The following IKZF2 variants were observed in gnomAD, a reference collection of about 807,000 sequenced individuals.
IKZF2 encodes IKAROS family zinc finger 2, also known as zinc finger protein Helios.
Under a neutral mutation model 49.2 loss-of-function variants are expected in IKZF2, and 15 were observed. That is an observed-to-expected ratio of 0.30 (90% CI 0.20 to 0.47). IKZF2 has a LOEUF of 0.47. Among genes scored for constraint, IKZF2 ranks in the 20% least tolerant of loss-of-function variants. The pLI is 1.00. For missense variants in IKZF2, 567 were observed against 664.6 expected (o/e 0.85, Z 1.61); for synonymous variants, 227 against 221.4 (o/e 1.03, Z -0.23).
chr2:213,101,887 C>T (rs1420674301), intron 4 of IKZF2, among the ~76,000 whole-genome samples: 2 of 152,152 alleles, frequency 1.3e-5, no homozygotes, highest in Non-Finnish European at 2.9e-5. Context: ...TTTATTCTCA[C>T]TTTAGCTCTG....
intron 4 of IKZF2, among the ~76,000 whole-genome samples, chr2:213,074,875 T>C (rs115571058): frequency 0.014 from 2,154 of 152,324 alleles, 61 homozygotes; most frequent in African/African-American, 0.049. Flanking sequence ...TGTATTTAAA[T>C]GGTTATTAAA....
At chr2:213,059,890 C>T (rs1417388253) in intron 4 of IKZF2, among the ~76,000 whole-genome samples, 4 of 150,780 alleles carry the variant, frequency 2.7e-5, no homozygotes, top group Non-Finnish European at 3.0e-5. Flanking sequence ...TTGCTAAAAC[C>T]GAAATAGACA....
chr2:213,053,266 C>T (rs761478504), intron 5 of IKZF2, among the ~76,000 whole-genome samples: 3 of 152,004 alleles, frequency 2.0e-5, no homozygotes, highest in Non-Finnish European at 4.4e-5. Flanking sequence ...TCCTTCATGT[C>T]CATATCTCAA....
At chr2:213,113,556 C>T (rs1165605454) in intron 4 of IKZF2, among the ~76,000 whole-genome samples, 1 of 152,156 alleles carries the variant, frequency 6.6e-6, no homozygotes, top group Non-Finnish European at 1.5e-5. Context: ...ATACTACCTA[C>T]TTTCAGGTAC....
chr2:213,036,133 G>T (rs1013811281), intron 6 of IKZF2, among the ~76,000 whole-genome samples: 1 of 152,190 alleles, frequency 6.6e-6, no homozygotes, highest in African/African-American at 2.4e-5. Context: ...GTTTATAAGA[G>T]CATGATACAA....
chr2:213,034,741 A>G (rs1698840063), intron 6 of IKZF2, among the ~76,000 whole-genome samples: 1 of 152,198 alleles, frequency 6.6e-6, no homozygotes. Flanking sequence ...ATATTGCAAG[A>G]ATTATTTAAA....
intron 4 of IKZF2, among the ~76,000 whole-genome samples, chr2:213,072,292 C>CTTTTTTTTTTTTTTTTTTT (rs771849497): frequency 8.1e-6 from 1 of 122,710 alleles, no homozygotes; most frequent in Non-Finnish European, 1.7e-5. Flanking sequence ...GATTCCTTTC[C>CTTTTTTTTTTTTTTTTTTT]TTTGTTTTTT....
chr2:213,112,852 G>A (rs537240057), intron 4 of IKZF2, among the ~76,000 whole-genome samples: 43 of 151,996 alleles, frequency 2.8e-4, no homozygotes, highest in Non-Finnish European at 4.6e-4. Context: ...CTATAACAGC[G>A]GGGCAATACT....
At chr2:213,145,452 G>A (rs558238227) in intron 4 of IKZF2, among the ~76,000 whole-genome samples, 83 of 152,110 alleles carry the variant, frequency 5.5e-4, no homozygotes, top group African/African-American at 1.6e-3. Flanking sequence ...AAGGGATTTA[G>A]GAAAACCGGT....
intron 4 of IKZF2, among the ~76,000 whole-genome samples, chr2:213,064,518 A>G (rs1701995255): frequency 6.6e-6 from 1 of 151,978 alleles, no homozygotes; most frequent in Non-Finnish European, 1.5e-5. Context: ...ATCAAAATAC[A>G]CACCTTTATT....
intron 4 of IKZF2, among the ~76,000 whole-genome samples, chr2:213,068,100 CTA>C (rs1702322597): frequency 6.6e-6 from 1 of 151,976 alleles, no homozygotes; most frequent in South Asian, 2.1e-4. Context: ...AAAGTGATGA[CTA>C]TGCACCATAG....
intron 6 of IKZF2, among the ~76,000 whole-genome samples, chr2:213,033,625 T>G (rs1698707225): frequency 6.6e-6 from 1 of 151,586 alleles, no homozygotes; most frequent in Admixed American, 6.6e-5. Flanking sequence ...CTGTAATATT[T>G]TGAAAGGAAT....
At chr2:213,069,440 C>T (rs1466679356) in intron 4 of IKZF2, among the ~76,000 whole-genome samples, 4 of 152,120 alleles carry the variant, frequency 2.6e-5, no homozygotes, top group Admixed American at 1.3e-4. Flanking sequence ...CCCGAATCTA[C>T]GTTTTTGTCA....
intron 5 of IKZF2, among the ~76,000 whole-genome samples, chr2:213,051,923 TC>T (rs1405305234): frequency 5.9e-5 from 9 of 151,996 alleles, no homozygotes; most frequent in Non-Finnish European, 1.0e-4. Context: ...TAGATAATAC[TC>T]CTATAGCATG....
intron 4 of IKZF2, among the ~76,000 whole-genome samples, chr2:213,135,805 G>A (rs548958265): frequency 4.6e-5 from 7 of 151,788 alleles, no homozygotes; most frequent in African/African-American, 1.4e-4. Flanking sequence ...GAAAAGAAAA[G>A]AATACAATGC....
At chr2:213,086,761 T>C (rs1282402352) in intron 4 of IKZF2, among the ~76,000 whole-genome samples, 1 of 152,108 alleles carries the variant, frequency 6.6e-6, no homozygotes, top group East Asian at 1.9e-4. Flanking sequence ...GAATGGCACA[T>C]TCCCTAGAGA....
chr2:213,079,778 C>G (rs571282924), intron 4 of IKZF2, among the ~76,000 whole-genome samples: 1 of 152,238 alleles, frequency 6.6e-6, no homozygotes, highest in African/African-American at 2.4e-5. Context: ...TCCATTTTTC[C>G]CAAAGTGCTA....
intron 5 of IKZF2, among the ~76,000 whole-genome samples, chr2:213,050,299 C>G (rs1241958223): frequency 1.3e-5 from 2 of 152,112 alleles, no homozygotes; most frequent in Non-Finnish European, 2.9e-5. Flanking sequence ...ATAGATCAAA[C>G]TATTTTGTTA....
intron 4 of IKZF2, among the ~76,000 whole-genome samples, chr2:213,119,957 G>A (rs2059998585): frequency 6.6e-6 from 1 of 152,214 alleles, no homozygotes; most frequent in Admixed American, 6.5e-5. Context: ...TGCTGTTGAA[G>A]GCAGACTACA....
Sources: gnomAD v4.1 joint callset for allele counts (sites outside exome capture counted in the v4.1 genomes callset) on GRCh38, gnomAD v4.1.1 for gene constraint, MANE v1.5 for transcripts, NCBI Gene and HGNC (gene_info 2026-07-23, HGNC 2026-07-21) for gene names.